Variants in SNAPC1 observed in about 807,000 individuals in gnomAD.
SNAPC1 encodes the protein small nuclear RNA activating complex polypeptide 1, also known as snRNA-activating protein complex subunit 1.
SNAPC1 carries 42 observed loss-of-function variants against 50.1 expected under a neutral mutation model. That is an observed-to-expected ratio of 0.84 (90% CI 0.65 to 1.08). SNAPC1 has a LOEUF of 1.08. Among genes scored for constraint, SNAPC1 ranks in the 50% least tolerant of loss-of-function variants. The pLI, the probability that SNAPC1 is intolerant of heterozygous loss-of-function variation, is 0.00. For missense variants in SNAPC1, 477 were observed against 427.3 expected (o/e 1.12, Z -1.02); for synonymous variants, 164 against 144.2 (o/e 1.14, Z -0.98).
chr14:61,773,067 G>C (rs2045005255), intron 4 of SNAPC1, among the ~76,000 whole-genome samples: 1 of 151,956 alleles, frequency 6.6e-6, no homozygotes, highest in Admixed American at 6.5e-5. Flanking sequence ...TCCTTCTACT[G>C]CCTGCAACTG....
At chr14:61,786,539 G>A (rs1252695181) in intron 8 of SNAPC1, among the ~76,000 whole-genome samples, 1 of 148,908 alleles carries the variant, frequency 6.7e-6, no homozygotes. Flanking sequence ...ATGAAAAGAT[G>A]CTCTGCATCT....
At position 61,795,232 on chromosome 14, in the gene SNAPC1, A is replaced by G. The variant is rs1027306863; in HGVS notation, c.*249A>G. 3 of 429,150 alleles carry G rather than the reference A, an allele frequency of 7.0e-6. No individual in the cohort carries two copies. Among genetic ancestry groups the G allele is most frequent in the Non-Finnish European group, 1.2e-5 (3 of 244,134 alleles). 26.6% of individuals were successfully genotyped at this position (429,150 alleles called of 1,614,324 possible). A position where few individuals can be genotyped will look rare whatever the true frequency, so the allele number is the denominator to read the frequency against. ...ACTTGTATTTAGTATGTAATAGAAA[A>G]AATTCTGTTATTCGCAGATTGTTAC... is the stretch of plus-strand genomic sequence containing the variant. On this transcript the variant is annotated 3_prime_UTR_variant, in exon 10 of 10. Transcript: ENST00000216294.
intron 9 of SNAPC1, among the ~76,000 whole-genome samples, chr14:61,793,227 A>G (rs1178779896): frequency 6.6e-6 from 1 of 151,884 alleles, no homozygotes; most frequent in Non-Finnish European, 1.5e-5. Context: ...TCTTCCAGGA[A>G]TTTGTTTTCT....
intron 7 of SNAPC1, among the ~76,000 whole-genome samples, chr14:61,781,851 T>C (rs939202298): frequency 1.3e-5 from 2 of 152,224 alleles, no homozygotes; most frequent in South Asian, 2.1e-4. Flanking sequence ...GTTAAACTCA[T>C]TGTGGCCAGA....
chr14:61,763,233 C>T (rs2044921360), intron 1 of SNAPC1, among the ~76,000 whole-genome samples: 1 of 130,630 alleles, frequency 7.7e-6, no homozygotes, highest in Admixed American at 7.8e-5. Context: ...TCTCGTGACC[C>T]GCCCGCCTCG....
chr14:61,790,439 G>A lies in SNAPC1; in HGVS notation c.977-2368G>A, dbSNP rs558291026. ...CAACCTCCACCTCCTGGGTTCAAGC[G>A]ATTCTTCTGCCTCAGCCTCCCCACT... On this transcript the variant is annotated intron_variant, in intron 8 of 9. Transcript: ENST00000216294. Among the ~76,000 whole-genome samples the A allele has an allele frequency of 3.9e-5, 6 of 152,108 alleles. No homozygotes were observed. The South Asian group carries it at 1.0e-3, about 26-fold the overall frequency.
intron 8 of SNAPC1, among the ~76,000 whole-genome samples, chr14:61,790,354 G>T (rs1196688175): frequency 2.0e-5 from 3 of 151,860 alleles, no homozygotes; most frequent in Non-Finnish European, 2.9e-5. Context: ...ACTTTTTTTT[G>T]AGATGGAGTG....
rs1477478455 is a variant in SNAPC1 at position 61,762,550 on chromosome 14, G to C, written c.90G>C (p.Thr30=). 2.0e-6 allele frequency: 3 copies of C among 1,520,400 alleles called. No individual in the cohort carries two copies. The highest frequency in any genetic ancestry group is 2.7e-6 in the Non-Finnish European group (3 of 1,130,130). The allele number at this position is 1,520,400 out of a possible 1,614,324, so 94.2% of individuals were successfully genotyped here. A position where few individuals can be genotyped will look rare whatever the true frequency, so the allele number is the denominator to read the frequency against. Residue 30 remains threonine (T), a synonymous_variant, in exon 1 of 10, where the codon ACG becomes ACC. Transcript: ENST00000216294. ...ACAGTGTACGCTTCGAGGACTTCACGGAGCTCTGGAGAAACATGAAGTTCG... is the reference window on the plus strand; with the variant it reads ...ACAGTGTACGCTTCGAGGACTTCACCGAGCTCTGGAGAAACATGAAGTTCG... ...ETDSVRFEDF[T]ELWRNMKFGT...
At chr14:61,781,558 C>T (rs1482816372) in intron 7 of SNAPC1, among the ~76,000 whole-genome samples, 1 of 151,850 alleles carries the variant, frequency 6.6e-6, no homozygotes, top group East Asian at 1.9e-4. Context: ...AATTCACCTA[C>T]TGATGTAACA....
chr14:61,774,949 C>A (rs1272611816), intron 4 of SNAPC1, among the ~76,000 whole-genome samples: 1 of 151,994 alleles, frequency 6.6e-6, no homozygotes, highest in African/African-American at 2.4e-5. Flanking sequence ...AGGAGTCAGC[C>A]ACTGTGCCTG....
At chr14:61,767,498 C>G (rs2044957171) in intron 3 of SNAPC1, 146 bp downstream of exon 3, 2 of 452,068 alleles carry the variant, frequency 4.4e-6, no homozygotes, top group Non-Finnish European at 7.1e-6. Context: ...GAGTCTTGCT[C>G]TGTCGCCCAG....
chr14:61,773,396 A>AGTTTTTT, intron 4 of SNAPC1, among the ~76,000 whole-genome samples: 1 of 119,562 alleles, frequency 8.4e-6, no homozygotes, highest in Non-Finnish European at 1.8e-5. Context: ...GTATTTCCTT[A>AGTTTTTT]GTTTTTTTTT....
intron 4 of SNAPC1, among the ~76,000 whole-genome samples, chr14:61,771,228 A>G (rs907908706): frequency 6.6e-6 from 1 of 151,690 alleles, no homozygotes; most frequent in Non-Finnish European, 1.5e-5. Flanking sequence ...CTTCTACAAC[A>G]TTTCTGCAAA....
At chr14:61,791,227 G>T (rs1402164324) in intron 8 of SNAPC1, among the ~76,000 whole-genome samples, 2 of 151,932 alleles carry the variant, frequency 1.3e-5, no homozygotes, top group Non-Finnish European at 2.9e-5. Flanking sequence ...GGCCAGACTG[G>T]TCTCGAACTC....
At chr14:61,787,324 A>G (rs1281099565) in intron 8 of SNAPC1, among the ~76,000 whole-genome samples, 1 of 152,266 alleles carries the variant, frequency 6.6e-6, no homozygotes, top group East Asian at 1.9e-4. Flanking sequence ...CACGAACAAA[A>G]AGAGAGGACA....
At chr14:61,791,394 A>G (rs1457360322) in intron 8 of SNAPC1, among the ~76,000 whole-genome samples, 1 of 152,070 alleles carries the variant, frequency 6.6e-6, no homozygotes, top group African/African-American at 2.4e-5. Flanking sequence ...CCTTTTTTCT[A>G]CATTTATCAT....
chr14:61,769,152 G>T (rs1363353688), intron 4 of SNAPC1, among the ~76,000 whole-genome samples: 1 of 152,102 alleles, frequency 6.6e-6, no homozygotes, highest in Non-Finnish European at 1.5e-5. Flanking sequence ...GAAGTCAGGA[G>T]TTTGAGACTA....
At chr14:61,783,830 A>G (rs536660956) in intron 8 of SNAPC1, among the ~76,000 whole-genome samples, 4 of 152,040 alleles carry the variant, frequency 2.6e-5, no homozygotes, top group South Asian at 2.1e-4. Flanking sequence ...GAGCCACCGC[A>G]CCTGGCAATA....
At chr14:61,764,479 A>G (rs1269290917) in intron 1 of SNAPC1, among the ~76,000 whole-genome samples, 1 of 152,144 alleles carries the variant, frequency 6.6e-6, no homozygotes, top group African/African-American at 2.4e-5. Flanking sequence ...CCATTTATTT[A>G]TAGCTTTATT....
Sources: gnomAD v4.1 joint callset for allele counts (sites outside exome capture counted in the v4.1 genomes callset) on GRCh38, gnomAD v4.1.1 for gene constraint, MANE v1.5 for transcripts, NCBI Gene and HGNC (gene_info 2026-07-23, HGNC 2026-07-21) for gene names.